Variants in ZNF841 observed in about 807,000 individuals in gnomAD.
The protein encoded by ZNF841 is zinc finger protein 841, also known as TCONS_00006091.
A neutral mutation model predicts 13.0 loss-of-function variants in ZNF841; 11 were observed. The observed-to-expected ratio is 0.85, with a 90% CI of 0.53 to 1.40. ZNF841 has a LOEUF of 1.40. ZNF841 is among the 40% of genes most tolerant of loss of function. The probability of loss-of-function intolerance (pLI) is 0.00; values close to 1 mark genes in which losing one functional copy is unlikely to be tolerated. For synonymous variants in ZNF841, 369 were observed against 381.6 expected (o/e 0.97, Z 0.38); for missense variants, 1,068 against 1,139.5 (o/e 0.94, Z 0.90).
intron 2 of ZNF841, among the ~76,000 whole-genome samples, chr19:52,092,444 A>G (rs2088527485): frequency 6.6e-6 from 1 of 152,184 alleles, no homozygotes; most frequent in Non-Finnish European, 1.5e-5. Flanking sequence ...ACCATAAGCT[A>G]TCACCTCATA....
chr19:52,095,648 G>A lies in ZNF841; in HGVS notation c.-343C>T, dbSNP rs1157044852. The A allele has an allele frequency of 6.6e-6, 1 of 152,350 alleles. No individual in the cohort carries two copies. The highest frequency in any genetic ancestry group is 1.9e-4 in the East Asian group (1 of 5,194). The allele number at this position is 152,350 out of a possible 1,614,324, so 9.4% of individuals were successfully genotyped here. A position where few individuals can be genotyped will look rare whatever the true frequency, so the allele number is the denominator to read the frequency against. ...CAGGTCACGGGTATGGAGAACCGAGGACTGCGAAGTGCACGTTTAATCAAG... is the reference window on the plus strand; with the variant it reads ...CAGGTCACGGGTATGGAGAACCGAGAACTGCGAAGTGCACGTTTAATCAAG... On this transcript the variant is annotated 5_prime_UTR_variant, in exon 1 of 7. Coordinates refer to ENST00000594440, the MANE Select transcript of ZNF841 (RefSeq NM_001136499.2).
Position 52,065,772 on chromosome 19 carries a change from T to C in ZNF841, c.2110A>G (p.Thr704Ala), listed in dbSNP as rs1416028285. Residue 704 changes from threonine to alanine, a missense_variant, in exon 7 of 7, where the codon ACT becomes GCT. Transcript: ENST00000594440. ...SKLARYHRNP[T>A]GEKPHKCSEC... ...CTACATTTGTGTGGTTTCTCCCCAGTAGGATTTCTGTGATATCTTGCAAGT... is the reference window on the plus strand; with the variant it reads ...CTACATTTGTGTGGTTTCTCCCCAGCAGGATTTCTGTGATATCTTGCAAGT... 1 of 1,610,062 alleles carries C rather than the reference T, an allele frequency of 6.2e-7. No homozygotes were observed. Among genetic ancestry groups the C allele is most frequent in the East Asian group, 2.2e-5 (1 of 44,850 alleles).
At chr19:52,060,971 A>T (rs907131201), downstream of ZNF841, among the ~76,000 whole-genome samples, 5 of 152,252 alleles carry the variant, frequency 3.3e-5, no homozygotes, top group East Asian at 9.7e-4. Flanking sequence ...CTAAGTTGAG[A>T]GCGTTAAAGG....
intron 6 of ZNF841, among the ~76,000 whole-genome samples, chr19:52,068,423 T>A (rs753819776): frequency 6.6e-6 from 1 of 152,106 alleles, no homozygotes; most frequent in Non-Finnish European, 1.5e-5. Context: ...AAGCCTGTAA[T>A]CCCAGCACTT....
chr19:52,061,704 G>A (rs1434340116), downstream of ZNF841, among the ~76,000 whole-genome samples: 1 of 152,036 alleles, frequency 6.6e-6, no homozygotes, highest in Non-Finnish European at 1.5e-5. Flanking sequence ...ACACCACCAT[G>A]CCCATCTAAT....
At position 52,067,029 on chromosome 19, in the gene ZNF841, T is replaced by C. The variant is rs2087596526; in HGVS notation, c.853A>G (p.Thr285Ala). The change falls in exon 7 of 7, where the codon ACA (threonine) becomes GCA (alanine). Residue 285 changes from threonine to alanine, a missense_variant. Thr to Ala is a moderately conservative substitution (Grantham distance 58). Coordinates refer to ENST00000594440, the MANE Select transcript of ZNF841 (RefSeq NM_001136499.2). ...SLINHQMIHT[T>A]EKPYRCNESG... The stretch of plus-strand genomic sequence containing the variant: ...TCATTGCATCTGTAAGGTTTCTCTG[T>C]AGTATGTATCATCTGATGATTAATA... 1 of 1,613,828 alleles carries C rather than the reference T, an allele frequency of 6.2e-7. No homozygotes were observed. The highest frequency in any genetic ancestry group is 1.3e-5 in the African/African-American group (1 of 75,050).
chr19:52,067,144 C>T lies in ZNF841; in HGVS notation c.738G>A (p.Ser246=), dbSNP rs773515092. 7.1e-6 allele frequency: 11 copies of T among 1,556,672 alleles called. No individual in the cohort carries two copies. The highest frequency in any genetic ancestry group is 4.1e-5 in the African/African-American group (3 of 73,166). The part of the protein sequence containing the change: ...RKYGNDFLQL[S]LPTQDEKTHI... ...GTGTTTTCTCGTCTTGTGTAGGTAACGAAAGTTGCAAAAAATCATTCCCAT... is the reference window on the plus strand; with the variant it reads ...GTGTTTTCTCGTCTTGTGTAGGTAATGAAAGTTGCAAAAAATCATTCCCAT... Residue 246 remains serine (S), a synonymous_variant, in exon 7 of 7, where the codon TCG becomes TCA. Transcript: ENST00000594440.
intron 4 of ZNF841, among the ~76,000 whole-genome samples, chr19:52,083,473 T>C (rs2088166656): frequency 6.6e-6 from 1 of 151,786 alleles, no homozygotes; most frequent in African/African-American, 2.4e-5. Flanking sequence ...TCTTTGAGGA[T>C]CTAAAAAAAA....
At chr19:52,091,822 G>A (rs553612604) in intron 2 of ZNF841, among the ~76,000 whole-genome samples, 1 of 152,272 alleles carries the variant, frequency 6.6e-6, no homozygotes, top group African/African-American at 2.4e-5. Context: ...CAAATGGTGG[G>A]ACTACATCAA....
downstream of ZNF841, chr19:52,064,353 C>CAAAAAAAAAAAAAAAA (rs56135758): frequency 2.5e-4 from 9 of 35,454 alleles, 3 homozygotes; most frequent in Admixed American, 8.4e-4. Context: ...ACTCCGTCTC[C>CAAAAAAAAAAAAAAAA]AAAAAAAAAA....
chr19:52,086,410 G>A (rs1321321122), intron 3 of ZNF841, among the ~76,000 whole-genome samples: 2 of 152,152 alleles, frequency 1.3e-5, no homozygotes, highest in African/African-American at 4.8e-5. Context: ...CTCCCGCCAT[G>A]TGAGACGCCT....
Position 52,067,345 on chromosome 19 carries a change from A to T in ZNF841, c.537T>A (p.His179Gln). 5 of 1,550,662 alleles carry T rather than the reference A, an allele frequency of 3.2e-6. No individual in the cohort carries two copies. Among genetic ancestry groups the T allele is most frequent in the Non-Finnish European group, 4.4e-6 (5 of 1,146,670 alleles). ...ACCTTAATATAAGCTGATTTTCCAT[A>T]TGCTTGTTTTCTACGTCCCCTTGAC... ...RHSQGDVENK[H>Q]MENQLILRFQ... Residue 179 changes from histidine (H) to glutamine (Q), a missense_variant, in exon 7 of 7, where the codon CAT (histidine) becomes CAA (glutamine). By Grantham distance (24) the His-to-Gln change is conservative. Coordinates refer to ENST00000594440, the MANE Select transcript of ZNF841 (RefSeq NM_001136499.2).
chr19:52,094,376 A>C (rs952788163), intron 1 of ZNF841, among the ~76,000 whole-genome samples: 1 of 152,050 alleles, frequency 6.6e-6, no homozygotes, highest in Non-Finnish European at 1.5e-5. Flanking sequence ...CTTCACGGCT[A>C]TGTGTTTCCC....
chr19:52,062,438 T>C (rs1285229550), downstream of ZNF841, among the ~76,000 whole-genome samples: 2 of 152,156 alleles, frequency 1.3e-5, no homozygotes, highest in Admixed American at 6.5e-5. Flanking sequence ...GTGACTTACA[T>C]TGTAAATTTA....
intron 3 of ZNF841, among the ~76,000 whole-genome samples, chr19:52,088,456 A>C (rs144368492): frequency 6.6e-6 from 1 of 152,200 alleles, no homozygotes; most frequent in Non-Finnish European, 1.5e-5. Flanking sequence ...CTATTAGTCT[A>C]TTTTATCACT....
intron 4 of ZNF841, among the ~76,000 whole-genome samples, chr19:52,084,123 G>T (rs764053927): frequency 6.6e-6 from 1 of 152,060 alleles, no homozygotes; most frequent in Admixed American, 6.6e-5. Flanking sequence ...ACAACTGCCG[G>T]TAAGAGTCCC....
intron 6 of ZNF841, among the ~76,000 whole-genome samples, chr19:52,068,888 C>T (rs2087663896): frequency 6.6e-6 from 1 of 151,776 alleles, no homozygotes; most frequent in Non-Finnish European, 1.5e-5. Flanking sequence ...ACGAGAATCA[C>T]ATAAACCTGT....
chr19:52,070,936 G>C (rs2087720927), intron 6 of ZNF841, among the ~76,000 whole-genome samples: 1 of 152,134 alleles, frequency 6.6e-6, no homozygotes, highest in South Asian at 2.1e-4. Flanking sequence ...TAATATGTTA[G>C]GAAAGGCCCA....
At chr19:52,081,134 T>C (rs575177571) in intron 4 of ZNF841, among the ~76,000 whole-genome samples, 1 of 152,318 alleles carries the variant, frequency 6.6e-6, no homozygotes, top group East Asian at 1.9e-4. Flanking sequence ...CTGAAGTCCC[T>C]TATATAAAAA....
Sources: gnomAD v4.1 joint callset for allele counts (sites outside exome capture counted in the v4.1 genomes callset) on GRCh38, gnomAD v4.1.1 for gene constraint, MANE v1.5 for transcripts, NCBI Gene and HGNC (gene_info 2026-07-23, HGNC 2026-07-21) for gene names.